Variants in GOLM1 observed in about 807,000 individuals in gnomAD.
The protein encoded by GOLM1 is epididymis luminal protein 46.
A neutral mutation model predicts 50.5 loss-of-function variants in GOLM1; 31 were observed. The ratio of observed to expected loss-of-function variants is 0.61; its 90% CI spans 0.46 to 0.83. GOLM1 has a LOEUF of 0.83. Ranked by LOEUF, GOLM1 falls within the 40% of genes least tolerant of loss-of-function variation. The probability of loss-of-function intolerance (pLI) is 0.00; values close to 1 mark genes in which losing one functional copy is unlikely to be tolerated. For missense variants in GOLM1, 491 were observed against 501.3 expected, an observed-to-expected ratio of 0.98 and a Z score of 0.20; for synonymous variants, 178 against 192.8, an observed-to-expected ratio of 0.92 and a Z score of 0.64.
chr9:86,060,876 CAAAAAAAAAAAAAAAAAAAAAA>C (rs753183065), intron 3 of GOLM1, among the ~76,000 whole-genome samples: 37 of 19,910 alleles, frequency 1.9e-3, no homozygotes, highest in African/African-American at 3.6e-3. Flanking sequence ...GAAACTCTCT[CAAAAAAAAAAAAAAAAAAAAAA>C]AAAAAAAAAA....
chr9:86,094,162 TG>T (rs1246011074), intron 1 of GOLM1, among the ~76,000 whole-genome samples: 3 of 73,844 alleles, frequency 4.1e-5, no homozygotes, highest in South Asian at 3.8e-4. Context: ...TATCCGGGCC[TG>T]GTTTTTTTTT....
intron 3 of GOLM1, among the ~76,000 whole-genome samples, chr9:86,059,994 T>TA (rs35490478): frequency 0.33 from 49,171 of 150,998 alleles, 9,731 homozygotes; most frequent in East Asian, 0.55. Context: ...TATGATACAT[T>TA]AAAAAATGGC....
chr9:86,040,717 T>C (rs763834138), intron 6 of GOLM1, 22 bp downstream of exon 6: 17 of 1,603,602 alleles, frequency 1.1e-5, no homozygotes, highest in Non-Finnish European at 1.4e-5. Flanking sequence ...CTAGAAACTC[T>C]TGGCAAAAAT....
chr9:86,044,321 G>C (rs1262234643), intron 5 of GOLM1, among the ~76,000 whole-genome samples: 1 of 152,226 alleles, frequency 6.6e-6, no homozygotes. Flanking sequence ...CCTCTACAGA[G>C]ACGTGTACTT....
chr9:86,035,333 G>T (rs1833098203), intron 8 of GOLM1, 35 bp downstream of exon 8: 9 of 1,602,124 alleles, frequency 5.6e-6, no homozygotes, highest in Non-Finnish European at 7.7e-6. Flanking sequence ...CTGGTGGAAG[G>T]GAGTCCACAG....
At chr9:86,050,700 G>A (rs550625667) in intron 4 of GOLM1, among the ~76,000 whole-genome samples, 4 of 152,084 alleles carry the variant, frequency 2.6e-5, no homozygotes, top group South Asian at 2.1e-4. Flanking sequence ...CTGTGGGATC[G>A]GTGGTGATAT....
intron 3 of GOLM1, among the ~76,000 whole-genome samples, chr9:86,063,409 A>G (rs2118794608): frequency 6.6e-6 from 1 of 152,316 alleles, no homozygotes; most frequent in East Asian, 1.9e-4. Context: ...AAGAGGAGAC[A>G]CTTTTGTACA....
At chr9:86,031,215 GAA>G (rs968642193) in intron 9 of GOLM1, among the ~76,000 whole-genome samples, 8 of 142,900 alleles carry the variant, frequency 5.6e-5, no homozygotes, top group Admixed American at 2.8e-4. Context: ...ATCTGAGGAA[GAA>G]AAAAAAAAAG....
intron 6 of GOLM1, chr9:86,036,800 C>T: frequency 2.6e-6 from 1 of 379,386 alleles, no homozygotes; most frequent in African/African-American, 2.1e-5. Context: ...GGCGGAAGAT[C>T]AACAACAAAA....
chr9:86,073,067 TA>T (rs1353952262), intron 3 of GOLM1, among the ~76,000 whole-genome samples: 5 of 152,218 alleles, frequency 3.3e-5, no homozygotes, highest in Non-Finnish European at 7.3e-5. Flanking sequence ...CTTTAATTTT[TA>T]AATCACTTCA....
intron 5 of GOLM1, among the ~76,000 whole-genome samples, chr9:86,044,317 C>T (rs1029610155): frequency 6.6e-6 from 1 of 152,218 alleles, no homozygotes; most frequent in Non-Finnish European, 1.5e-5. Flanking sequence ...ATGTCCTCTA[C>T]AGAGACGTGT....
rs765835521 is a variant in GOLM1 at position 86,027,902 on chromosome 9, G to A, written c.1130-9C>T. On this transcript the variant is annotated splice_polypyrimidine_tract_variant and intron_variant, in intron 9 of 9. Transcript: ENST00000388712. ...ATCTTCAACATTAAAAACTAAAAAG[G>A]AAAAACACATAATATTCTATAGAGT... The A allele has an allele frequency of 8.1e-6, 12 of 1,478,492 alleles. No individual in the cohort carries two copies. Among genetic ancestry groups the A allele is most frequent in the Non-Finnish European group, 1.1e-5 (12 of 1,057,732 alleles). 91.6% of individuals were successfully genotyped at this position (1,478,492 alleles called of 1,614,324 possible).
chr9:86,065,297 G>A (rs1248003024), intron 3 of GOLM1, among the ~76,000 whole-genome samples: 1 of 152,092 alleles, frequency 6.6e-6, no homozygotes, highest in East Asian at 1.9e-4. Flanking sequence ...CCCACCACTG[G>A]GCACAGGCCA....
Position 86,036,385 on chromosome 9 carries a change from G to A in GOLM1, c.720C>T (p.Ser240=), listed in dbSNP as rs200636984. The change falls in exon 7 of 10, where the codon TCC becomes TCT. Residue 240 remains serine, a synonymous_variant. Coordinates refer to ENST00000388712, the MANE Select transcript of GOLM1 (RefSeq NM_016548.4). ...GTCTCTTTGAATCCAAAACCACTTC[G>A]GAACTGGGGGCTGGTGTCTGGGACT... ...NSKSQTPAPS[S]EVVLDSKRQV... 1.7e-3 allele frequency: 2,746 copies of A among 1,614,102 alleles called. 70 individuals carry two copies. The South Asian group carries it at 0.027, about 16-fold the overall frequency.
At chr9:86,081,113 C>T (rs537144223) in intron 1 of GOLM1, among the ~76,000 whole-genome samples, 60 of 151,808 alleles carry the variant, frequency 4.0e-4, no homozygotes, top group African/African-American at 1.3e-3. Context: ...GCCTCAAATT[C>T]CTGACCTCAA....
At chr9:86,035,706 G>C (rs1269955149) in intron 7 of GOLM1, 81 bp from the exon 8 acceptor site, 4 of 1,258,106 alleles carry the variant, frequency 3.2e-6, no homozygotes, top group Non-Finnish European at 4.4e-6. Context: ...AAAACCTGGT[G>C]CCACTCAATT....
intron 3 of GOLM1, among the ~76,000 whole-genome samples, chr9:86,055,752 G>A (rs1006330436): frequency 1.2e-4 from 18 of 152,118 alleles, no homozygotes; most frequent in African/African-American, 4.3e-4. Context: ...CAAAACCACA[G>A]AAACAAAATA....
intron 3 of GOLM1, among the ~76,000 whole-genome samples, chr9:86,053,476 A>G (rs1587711864): frequency 2.2e-5 from 1 of 45,684 alleles, no homozygotes; most frequent in African/African-American, 1.1e-4. Flanking sequence ...ACACCACTCC[A>G]TACCACACAC....
At chr9:86,084,616 T>C (rs1007192938) in intron 1 of GOLM1, among the ~76,000 whole-genome samples, 1 of 152,240 alleles carries the variant, frequency 6.6e-6, no homozygotes, top group Admixed American at 6.5e-5. Flanking sequence ...AGGAACTATA[T>C]GTACTATTTT....
Sources: gnomAD v4.1 joint callset for allele counts (sites outside exome capture counted in the v4.1 genomes callset) on GRCh38, gnomAD v4.1.1 for gene constraint, MANE v1.5 for transcripts, NCBI Gene and HGNC (gene_info 2026-07-23, HGNC 2026-07-21) for gene names.